Variants in RPTOR observed in about 807,000 individuals in gnomAD.
RPTOR encodes the protein regulatory associated protein of MTOR complex 1.
In RPTOR, 21 loss-of-function variants were observed where a neutral mutation model predicts 169.9. That is an observed-to-expected ratio of 0.12 (90% CI 0.09 to 0.18). RPTOR has a LOEUF of 0.18. RPTOR is among the 10% of genes least tolerant of loss of function. The probability of loss-of-function intolerance (pLI) is 1.00; values close to 1 mark genes in which losing one functional copy is unlikely to be tolerated. For missense variants in RPTOR, 1,133 were observed against 1,855.9 expected (o/e 0.61, Z 7.16); for synonymous variants, 732 against 753.2 (o/e 0.97, Z 0.46).
chr17:80,566,146 T>C (rs1214329725), intron 1 of RPTOR, among the ~76,000 whole-genome samples: 1 of 152,330 alleles, frequency 6.6e-6, no homozygotes, highest in African/African-American at 2.4e-5. Flanking sequence ...AGTGTTTTCA[T>C]CAATCAAGTG....
intron 9 of RPTOR, 145 bp from the exon 10 acceptor site, chr17:80,837,777 G>A (rs758118758): frequency 3.0e-5 from 23 of 758,784 alleles, no homozygotes; most frequent in African/African-American, 5.2e-5. Context: ...CAGTGAAACC[G>A]TAAACATGCC....
intron 1 of RPTOR, among the ~76,000 whole-genome samples, chr17:80,622,156 G>A (rs1399712743): frequency 6.6e-6 from 1 of 152,208 alleles, no homozygotes; most frequent in Non-Finnish European, 1.5e-5. Context: ...GCAGATGACT[G>A]TAGGCAAAGC....
intron 1 of RPTOR, among the ~76,000 whole-genome samples, chr17:80,620,401 C>T (rs1393508386): frequency 1.3e-5 from 2 of 152,052 alleles, no homozygotes; most frequent in Non-Finnish European, 1.5e-5. Flanking sequence ...GTTTTTGAAA[C>T]GAGGTTGCCA....
chr17:80,650,714 C>T (rs189041918), intron 3 of RPTOR, among the ~76,000 whole-genome samples: 3 of 152,256 alleles, frequency 2.0e-5, no homozygotes, highest in African/African-American at 7.2e-5. Context: ...TCCTTACTTC[C>T]CATCCCTTTC....
At chr17:80,662,609 CCA>C (rs1342131588) in intron 3 of RPTOR, among the ~76,000 whole-genome samples, 4 of 151,994 alleles carry the variant, frequency 2.6e-5, no homozygotes, top group Admixed American at 1.3e-4. Context: ...AAAAACATCT[CCA>C]GTCTTAGGTT....
intron 10 of RPTOR, among the ~76,000 whole-genome samples, chr17:80,841,362 C>T (rs1259704688): frequency 2.9e-5 from 4 of 135,988 alleles, no homozygotes; most frequent in Non-Finnish European, 6.3e-5. Flanking sequence ...GCTCTCTCTG[C>T]ACCGCAGCTC....
chr17:80,937,052 G>T (rs1052125783), intron 24 of RPTOR, among the ~76,000 whole-genome samples: 2 of 152,202 alleles, frequency 1.3e-5, no homozygotes, highest in Non-Finnish European at 2.9e-5. Context: ...GTGGGGAGGG[G>T]ATAGTTTGTT....
chr17:80,570,372 T>G (rs893639905), intron 1 of RPTOR, among the ~76,000 whole-genome samples: 1 of 152,088 alleles, frequency 6.6e-6, no homozygotes, highest in African/African-American at 2.4e-5. Flanking sequence ...AAGGGGCAAA[T>G]GAAAGAAAGT....
intron 28 of RPTOR, among the ~76,000 whole-genome samples, chr17:80,951,969 A>C (rs2144073580): frequency 6.6e-6 from 1 of 152,374 alleles, no homozygotes; most frequent in East Asian, 1.9e-4. Context: ...CCACCAGGAC[A>C]CAGACACACG....
chr17:80,624,614 A>G (rs533559170), intron 1 of RPTOR, among the ~76,000 whole-genome samples: 2 of 152,232 alleles, frequency 1.3e-5, no homozygotes, highest in South Asian at 4.1e-4. Context: ...GTGAGAATTA[A>G]TACATATATC....
At chr17:80,914,399 C>G (rs1013637058) in intron 21 of RPTOR, among the ~76,000 whole-genome samples, 3 of 152,154 alleles carry the variant, frequency 2.0e-5, no homozygotes, top group African/African-American at 7.2e-5. Context: ...CCAGCCGTGG[C>G]TCCAGACCCA....
chr17:80,883,387 G>A (rs758019113), intron 14 of RPTOR, 32 bp from the exon 15 acceptor site: 3 of 1,606,132 alleles, frequency 1.9e-6, no homozygotes, highest in South Asian at 1.1e-5. Flanking sequence ...TCCACTGAGG[G>A]GAGACGACCA....
intron 7 of RPTOR, among the ~76,000 whole-genome samples, chr17:80,795,648 C>T (rs944772943): frequency 1.3e-5 from 2 of 151,894 alleles, no homozygotes; most frequent in African/African-American, 2.4e-5. Context: ...ATTCGGGGTA[C>T]GAGGAGGAGA....
chr17:80,773,886 C>T (rs902649802), intron 6 of RPTOR: 37 of 985,354 alleles, frequency 3.8e-5, no homozygotes, highest in East Asian at 2.3e-4. Context: ...AGACGTCGAC[C>T]GCTTCTGATT....
At chr17:80,829,856 G>T (rs2067484486) in intron 9 of RPTOR, among the ~76,000 whole-genome samples, 1 of 152,122 alleles carries the variant, frequency 6.6e-6, no homozygotes, top group South Asian at 2.1e-4. Context: ...AGGGTTCTTT[G>T]TACAGAAATC....
At chr17:80,782,122 G>A (rs1009757451) in intron 6 of RPTOR, among the ~76,000 whole-genome samples, 2 of 152,170 alleles carry the variant, frequency 1.3e-5, no homozygotes, top group African/African-American at 2.4e-5. Flanking sequence ...TCAGCTCTTC[G>A]GGGGTTGTCA....
At chr17:80,704,230 G>T (rs1446664445) in intron 3 of RPTOR, among the ~76,000 whole-genome samples, 1 of 152,192 alleles carries the variant, frequency 6.6e-6, no homozygotes, top group Non-Finnish European at 1.5e-5. Flanking sequence ...GTTTTGGAGG[G>T]CCTGTAGCCA....
chr17:80,895,737 C>T (rs1485172180), intron 20 of RPTOR, among the ~76,000 whole-genome samples: 1 of 152,230 alleles, frequency 6.6e-6, no homozygotes, highest in African/African-American at 2.4e-5. Flanking sequence ...CGCAGGCGCC[C>T]CCATCTCGCC....
intron 13 of RPTOR, among the ~76,000 whole-genome samples, chr17:80,879,917 C>T (rs895164614): frequency 2.0e-5 from 3 of 152,242 alleles, no homozygotes; most frequent in African/African-American, 7.2e-5. Context: ...AGCACCTGCT[C>T]AAGTGGGACT....
Sources: gnomAD v4.1 joint callset for allele counts (sites outside exome capture counted in the v4.1 genomes callset) on GRCh38, gnomAD v4.1.1 for gene constraint, MANE v1.5 for transcripts, NCBI Gene and HGNC (gene_info 2026-07-23, HGNC 2026-07-21) for gene names.